Variants in NLGN1 observed in about 807,000 individuals in gnomAD.
NLGN1 encodes the protein neuroligin-1.
NLGN1 carries 12 observed loss-of-function variants against 65.5 expected under a neutral mutation model. That is an observed-to-expected ratio of 0.18 (90% CI 0.12 to 0.30). The LOEUF is 0.30. NLGN1 is among the 10% of genes least tolerant of loss of function. The probability of loss-of-function intolerance (pLI) is 1.00; values close to 1 mark genes in which losing one functional copy is unlikely to be tolerated. For synonymous variants in NLGN1, 350 were observed against 359.5 expected (o/e 0.97, Z 0.30); for missense variants, 750 against 1,007.1 (o/e 0.74, Z 3.46).
At chr3:173,450,224 T>C (rs568204149) in intron 2 of NLGN1, among the ~76,000 whole-genome samples, 4 of 152,320 alleles carry the variant, frequency 2.6e-5, no homozygotes, top group African/African-American at 7.2e-5. Flanking sequence ...CCATGTTTAG[T>C]GCTTCCTTCA....
chr3:174,076,839 T>G (rs1340849026), intron 4 of NLGN1, among the ~76,000 whole-genome samples: 5 of 151,772 alleles, frequency 3.3e-5, no homozygotes. Flanking sequence ...ATACAGGAAA[T>G]GGCTAATGAA....
At chr3:173,653,854 C>A (rs1759579186) in intron 3 of NLGN1, among the ~76,000 whole-genome samples, 1 of 152,060 alleles carries the variant, frequency 6.6e-6, no homozygotes, top group South Asian at 2.1e-4. Context: ...TCCTTTCTAG[C>A]AACCTCTTAG....
At chr3:173,494,389 T>C (rs1446468958) in intron 2 of NLGN1, among the ~76,000 whole-genome samples, 1 of 151,652 alleles carries the variant, frequency 6.6e-6, no homozygotes, top group East Asian at 1.9e-4. Context: ...GTTTTAGTGG[T>C]TATCTTTTTA....
intron 4 of NLGN1, among the ~76,000 whole-genome samples, chr3:173,987,827 A>G (rs1015015838): frequency 1.3e-5 from 2 of 152,284 alleles, no homozygotes; most frequent in South Asian, 2.1e-4. Context: ...TCGGTAAGGG[A>G]GACTTACTTC....
chr3:173,514,417 C>T (rs1332392938), intron 2 of NLGN1, among the ~76,000 whole-genome samples: 2 of 151,720 alleles, frequency 1.3e-5, no homozygotes, highest in Non-Finnish European at 2.9e-5. Context: ...ACCCAAAGTC[C>T]ATTATATCAT....
chr3:174,281,151 C>T, exon 7 of NLGN1: 1 of 1,613,292 alleles, frequency 6.2e-7, no homozygotes, highest in Non-Finnish European at 8.5e-7. Flanking sequence ...TGATGATGTT[C>T]CCTTAATGAC....
upstream of NLGN1, among the ~76,000 whole-genome samples, chr3:173,397,225 G>A (rs1371115954): frequency 6.6e-6 from 1 of 152,120 alleles, no homozygotes; most frequent in Non-Finnish European, 1.5e-5. Flanking sequence ...TTCCGTTTCT[G>A]CATAAAACCA....
At chr3:174,111,754 G>A (rs1715273654) in intron 4 of NLGN1, among the ~76,000 whole-genome samples, 1 of 151,832 alleles carries the variant, frequency 6.6e-6, no homozygotes, top group African/African-American at 2.4e-5. Flanking sequence ...TTGCCTTATG[G>A]TCTGAATGGA....
chr3:173,999,718 C>A (rs145336038), intron 4 of NLGN1, among the ~76,000 whole-genome samples: 1 of 152,188 alleles, frequency 6.6e-6, no homozygotes, highest in East Asian at 1.9e-4. Flanking sequence ...CCACATTTTG[C>A]CCAAAGCTGG....
At chr3:173,577,630 T>G (rs1339084315) in intron 2 of NLGN1, among the ~76,000 whole-genome samples, 1 of 152,246 alleles carries the variant, frequency 6.6e-6, no homozygotes, top group African/African-American at 2.4e-5. Flanking sequence ...CAATTTCTTA[T>G]GCATTGAATG....
chr3:173,658,368 T>C (rs4894449), intron 3 of NLGN1, among the ~76,000 whole-genome samples: 4,825 of 152,042 alleles, frequency 0.032, 98 homozygotes, highest in Middle Eastern at 0.044. Context: ...TAGCTTGGGA[T>C]AGACAAGTTT....
chr3:173,396,190 C>T (rs1207317896), upstream of NLGN1: 1 of 153,542 alleles, frequency 6.5e-6, no homozygotes, highest in Non-Finnish European at 1.5e-5. Flanking sequence ...TTCTCATCCT[C>T]TCCATTTCCA....
intron 3 of NLGN1, among the ~76,000 whole-genome samples, chr3:173,678,855 T>C (rs7623392): frequency 0.016 from 2,463 of 152,186 alleles, 78 homozygotes; most frequent in African/African-American, 0.057. Flanking sequence ...GTAAGTGATA[T>C]AGAAATTGAA....
At chr3:174,104,756 G>A (rs1240981298) in intron 4 of NLGN1, among the ~76,000 whole-genome samples, 2 of 152,098 alleles carry the variant, frequency 1.3e-5, no homozygotes, top group African/African-American at 4.8e-5. Context: ...AAGAAGTGGA[G>A]AGATGCTCAT....
chr3:174,089,519 T>A (rs763898044), intron 4 of NLGN1, among the ~76,000 whole-genome samples: 1 of 152,098 alleles, frequency 6.6e-6, no homozygotes, highest in Non-Finnish European at 1.5e-5. Flanking sequence ...TTCCTTAGCT[T>A]AAAGGAACAC....
At chr3:173,570,809 T>C (rs1476281307) in intron 2 of NLGN1, among the ~76,000 whole-genome samples, 1 of 152,204 alleles carries the variant, frequency 6.6e-6, no homozygotes, top group Non-Finnish European at 1.5e-5. Flanking sequence ...GTTCAAGCGA[T>C]TCTTGTAACT....
chr3:174,290,742 G>T (rs943014441), downstream of NLGN1, among the ~76,000 whole-genome samples: 1 of 150,974 alleles, frequency 6.6e-6, no homozygotes. Flanking sequence ...AAGGAAAATA[G>T]AGCTGATTAA....
At chr3:173,444,825 T>C (rs1719883811) in intron 2 of NLGN1, among the ~76,000 whole-genome samples, 1 of 152,004 alleles carries the variant, frequency 6.6e-6, no homozygotes, top group South Asian at 2.1e-4. Context: ...CTGCAGTATA[T>C]AGTTGTGTGT....
At chr3:174,186,223 T>A (rs780534943) in intron 4 of NLGN1, among the ~76,000 whole-genome samples, 1 of 152,108 alleles carries the variant, frequency 6.6e-6, no homozygotes, top group Non-Finnish European at 1.5e-5. Context: ...TCAAATAATG[T>A]TTTCCTAAAA....
Sources: allele counts gnomAD v4.1 joint callset (sites outside exome capture counted in the v4.1 genomes callset), GRCh38; gene constraint gnomAD v4.1.1; transcripts MANE v1.5; gene names NCBI Gene and HGNC (gene_info 2026-07-23, HGNC 2026-07-21).